RORA: variants seen among roughly 807,000 people sequenced by gnomAD.
The protein encoded by RORA is RAR related orphan receptor A.
A neutral mutation model predicts 69.5 loss-of-function variants in RORA; 7 were observed. The ratio of observed to expected loss-of-function variants is 0.10; its 90% CI spans 0.06 to 0.19. The LOEUF (loss-of-function observed/expected upper bound fraction) is 0.19, where lower values mean the gene tolerates loss of function less well. RORA is among the 10% of genes least tolerant of loss of function. RORA has a pLI of 1.00. For synonymous variants in RORA, 261 were observed against 240.8 expected, an observed-to-expected ratio of 1.08 and a Z score of -0.78; for missense variants, 457 against 663.0, an observed-to-expected ratio of 0.69 and a Z score of 3.41.
At chr15:60,598,919 A>AGGTGTTTAGT (rs967545608) in intron 2 of RORA, among the ~76,000 whole-genome samples, 3 of 152,222 alleles carry the variant, frequency 2.0e-5, no homozygotes, top group African/African-American at 7.2e-5. Context: ...CAATGACTAA[A>AGGTGTTTAGT]CACCTTCTGT....
chr15:61,069,271 T>C (rs934518225), intron 1 of RORA, among the ~76,000 whole-genome samples: 12 of 152,150 alleles, frequency 7.9e-5, no homozygotes, highest in African/African-American at 2.9e-4. Context: ...TCACTGCAAA[T>C]TAAAAGAACT....
intron 1 of RORA, among the ~76,000 whole-genome samples, chr15:60,969,759 TTGAGTTCCTGC>T (rs1300943484): frequency 3.3e-5 from 5 of 152,198 alleles, no homozygotes; most frequent in Admixed American, 1.3e-4. Context: ...GGGAGGGGGT[TTGAGTTCCTGC>T]TCCAACACTT....
At chr15:60,736,301 G>T (rs930429747) in intron 1 of RORA, among the ~76,000 whole-genome samples, 2 of 152,164 alleles carry the variant, frequency 1.3e-5, no homozygotes, top group Non-Finnish European at 2.9e-5. Context: ...AGAGGTGCTA[G>T]CAGCATGGCG....
intron 2 of RORA, among the ~76,000 whole-genome samples, chr15:60,566,217 C>T (rs182195856): frequency 2.0e-4 from 30 of 152,222 alleles, no homozygotes; most frequent in South Asian, 8.3e-4. Flanking sequence ...TAAGTATAGA[C>T]GCAAATATTT....
chr15:60,644,555 G>A (rs1005534553), intron 2 of RORA, among the ~76,000 whole-genome samples: 2 of 152,150 alleles, frequency 1.3e-5, no homozygotes, highest in African/African-American at 2.4e-5. Flanking sequence ...AAGTATTAAC[G>A]TGTAAACATG....
At chr15:60,952,326 C>T (rs892599253) in intron 1 of RORA, among the ~76,000 whole-genome samples, 7 of 152,116 alleles carry the variant, frequency 4.6e-5, no homozygotes, top group African/African-American at 1.4e-4. Context: ...AAACCCACAG[C>T]CAATATCATA....
intron 1 of RORA, among the ~76,000 whole-genome samples, chr15:60,696,946 C>T (rs778317856): frequency 2.0e-5 from 3 of 152,016 alleles, no homozygotes; most frequent in Admixed American, 6.5e-5. Flanking sequence ...TTTTTCAAAT[C>T]GACTTAATGA....
chr15:60,909,355 A>G (rs1238075139), intron 1 of RORA, among the ~76,000 whole-genome samples: 1 of 152,144 alleles, frequency 6.6e-6, no homozygotes, highest in Admixed American at 6.5e-5. Flanking sequence ...AAAGCCTGGC[A>G]CCCCATGTGT....
intron 2 of RORA, among the ~76,000 whole-genome samples, chr15:60,673,010 T>C (rs1468346404): frequency 6.6e-6 from 1 of 152,162 alleles, no homozygotes; most frequent in Non-Finnish European, 1.5e-5. Context: ...TCCACACCAA[T>C]CCCTCGTAGG....
chr15:60,690,885 C>T lies in RORA; in HGVS notation c.167-12199G>A, dbSNP rs530458310. Among the ~76,000 whole-genome samples the T allele has an allele frequency of 1.7e-4, 26 of 152,290 alleles. No homozygotes were observed. In the South Asian group the frequency reaches 5.2e-3, roughly 30 times the overall value. On this transcript the variant is annotated intron_variant, in intron 1 of 10. Coordinates refer to ENST00000335670, the MANE Select transcript of RORA (RefSeq NM_134261.3). ...TGGACCCAGGAACAATTTCACTAGC[C>T]TTACTTAGAAGCTCCATGTAAGCCA... is the stretch of plus-strand genomic sequence containing the variant.
In RORA at chr15:60,489,945, G is replaced by A. The variant is rs1430491812; in HGVS notation, c.*7510C>T. ...CTTAGGAGATATGCTGTAAAGCCAA[G>A]TAGCAAACATAAAGTAAATGCTAAT... On this transcript the variant is annotated 3_prime_UTR_variant, in exon 11 of 11. Transcript: ENST00000335670. 6.6e-6 allele frequency: 1 copy of A among 152,010 alleles called. No homozygotes were observed. Among genetic ancestry groups the A allele is most frequent in the Non-Finnish European group, 1.5e-5 (1 of 67,988 alleles). The allele number at this position is 152,010 out of a possible 1,614,324, so 9.4% of individuals were successfully genotyped here.
intron 1 of RORA, among the ~76,000 whole-genome samples, chr15:60,815,197 G>A (rs1013185846): frequency 3.9e-5 from 6 of 152,136 alleles, no homozygotes; most frequent in Non-Finnish European, 8.8e-5. Context: ...CACTTTGGAT[G>A]TCCTCCATGG....
Position 60,507,991 on chromosome 15 carries a change from G to A in RORA, c.821-2362C>T, listed in dbSNP as rs183566992. Among the ~76,000 whole-genome samples, 11 of 152,250 alleles carry A rather than the reference G, an allele frequency of 7.2e-5. No individual in the cohort carries two copies. The East Asian group carries it at 2.1e-3, about 29-fold the overall frequency. On this transcript the variant is annotated intron_variant, in intron 5 of 10. Transcript: ENST00000335670. Reference sequence around the variant, plus strand: ...CAGTGTACCTGACATACCAGTAGAGGGCAGTGGTTGCATTCACACCATCTG... The same window carrying A: ...CAGTGTACCTGACATACCAGTAGAGAGCAGTGGTTGCATTCACACCATCTG...
At chr15:60,850,967 T>C (rs2073317409) in intron 1 of RORA, among the ~76,000 whole-genome samples, 3 of 152,162 alleles carry the variant, frequency 2.0e-5, no homozygotes, top group Admixed American at 6.5e-5. Context: ...ATTTTCATTC[T>C]TTTTCCCTCA....
At chr15:60,878,170 CAAAA>C (rs11362081) in intron 1 of RORA, among the ~76,000 whole-genome samples, 6 of 69,680 alleles carry the variant, frequency 8.6e-5, no homozygotes, top group East Asian at 4.9e-4. Context: ...ACTAAAAATA[CAAAA>C]AAAAAAAAAA....
At chr15:60,688,761 G>A (rs147493662) in intron 1 of RORA, among the ~76,000 whole-genome samples, 154 of 152,284 alleles carry the variant, frequency 1.0e-3, no homozygotes, top group African/African-American at 3.6e-3. Flanking sequence ...CACAGTGCTC[G>A]AGAATGCAGT....
intron 2 of RORA, among the ~76,000 whole-genome samples, chr15:60,565,143 G>A (rs547530213): frequency 1.3e-5 from 2 of 152,250 alleles, no homozygotes; most frequent in Admixed American, 1.3e-4. Flanking sequence ...GTTTAACAGA[G>A]GACAACACAA....
At chr15:60,791,372 C>T (rs1340468647) in intron 1 of RORA, among the ~76,000 whole-genome samples, 2 of 152,124 alleles carry the variant, frequency 1.3e-5, no homozygotes, top group Non-Finnish European at 2.9e-5. Context: ...TATCTACACA[C>T]AATAATTTTT....
intron 1 of RORA, among the ~76,000 whole-genome samples, chr15:61,143,599 T>C (rs1374137215): frequency 1.3e-5 from 2 of 152,118 alleles, no homozygotes; most frequent in Non-Finnish European, 1.5e-5. Flanking sequence ...AGGGAAAAAA[T>C]AGTTCAGAAA....
Sources: allele counts gnomAD v4.1 joint callset (sites outside exome capture counted in the v4.1 genomes callset), GRCh38; gene constraint gnomAD v4.1.1; transcripts MANE v1.5; gene names NCBI Gene and HGNC (gene_info 2026-07-23, HGNC 2026-07-21).